The following LRBA variants were observed in gnomAD, a reference collection of about 807,000 sequenced individuals.
LRBA encodes the protein lipopolysaccharide-responsive and beige-like anchor protein.
LRBA carries 176 observed loss-of-function variants against 330.0 expected under a neutral mutation model. That is an observed-to-expected ratio of 0.53 (90% CI 0.47 to 0.60). The LOEUF (loss-of-function observed/expected upper bound fraction) is 0.60. Ranked by LOEUF, LRBA falls within the 20% of genes least tolerant of loss-of-function variation. The pLI, the probability that LRBA is intolerant of heterozygous loss-of-function variation, is 0.00. For synonymous variants in LRBA, 1,230 were observed against 1,193.0 expected (o/e 1.03, Z -0.64); for missense variants, 3,259 against 3,444.8 (o/e 0.95, Z 1.35).
chr4:150,489,265 A>T (rs376041445), intron 41 of LRBA, among the ~76,000 whole-genome samples: 4,610 of 34,366 alleles, frequency 0.13, 575 homozygotes, highest in Non-Finnish European at 0.19. Flanking sequence ...TATATATAAG[A>T]ATATATAATA....
At chr4:150,331,289 C>T (rs577370207) in intron 48 of LRBA, among the ~76,000 whole-genome samples, 1 of 152,266 alleles carries the variant, frequency 6.6e-6, no homozygotes, top group Admixed American at 6.5e-5. Context: ...TAACAGGAAA[C>T]ATACAAGCAT....
chr4:150,602,569 A>G lies in LRBA; in HGVS notation c.5922-3438T>C, dbSNP rs1399141091. ...ACACATACTCTCAGTATAACGCTCT[A>G]CCACACACACACACAAAAATGAGGC... is the stretch of plus-strand genomic sequence containing the variant. On this transcript the variant is annotated intron_variant, in intron 37 of 56. Coordinates refer to ENST00000651943, the MANE Select transcript of LRBA (RefSeq NM_001364905.1). Among the ~76,000 whole-genome samples the G allele has an allele frequency of 3.9e-5, 6 of 152,112 alleles. No individual in the cohort carries two copies. The East Asian group carries it at 1.2e-3, about 29-fold the overall frequency.
Position 150,914,292 on chromosome 4 carries a change from C to G in LRBA, c.1064G>C (p.Arg355Thr). Reference sequence around the variant, plus strand: ...TGCAGTCATCTGACCACAGAATACTCTATTAGCATCTGCTGTTTCTGATGA... The same window carrying G: ...TGCAGTCATCTGACCACAGAATACTGTATTAGCATCTGCTGTTTCTGATGA... The part of the protein sequence containing the change: ...LGSSETADAN[R>T]VFCGQMTAVY... The change falls in exon 9 of 57, where the codon AGA becomes ACA. Residue 355 changes from arginine to threonine, a missense_variant. Arg to Thr is a moderately conservative substitution (Grantham distance 71). Transcript: ENST00000651943. 6.3e-7 allele frequency: 1 copy of G among 1,598,108 alleles called. No individual in the cohort carries two copies. The highest frequency in any genetic ancestry group is 8.5e-7 in the Non-Finnish European group (1 of 1,171,136).
intron 56 of LRBA, among the ~76,000 whole-genome samples, chr4:150,268,136 A>T (rs1745606615): frequency 6.6e-6 from 1 of 152,202 alleles, no homozygotes; most frequent in Non-Finnish European, 1.5e-5. Flanking sequence ...GCAGAAACTG[A>T]GTTCAGAGAG....
chr4:150,295,607 A>G (rs1728888468), intron 53 of LRBA, among the ~76,000 whole-genome samples: 1 of 152,146 alleles, frequency 6.6e-6, no homozygotes, highest in African/African-American at 2.4e-5. Context: ...TCCAAATCCC[A>G]CTACCTATAA....
intron 40 of LRBA, among the ~76,000 whole-genome samples, chr4:150,569,632 T>C (rs1769595115): frequency 6.6e-6 from 1 of 152,176 alleles, no homozygotes; most frequent in South Asian, 2.1e-4. Flanking sequence ...TCAATTCTGC[T>C]TCATCAGCAT....
intron 46 of LRBA, among the ~76,000 whole-genome samples, chr4:150,418,990 G>A (rs114714870): frequency 4.0e-4 from 61 of 152,288 alleles, no homozygotes; most frequent in African/African-American, 1.3e-3. Context: ...TGGGGGAAAG[G>A]AGAAGGGATT....
At chr4:150,846,881 T>C (rs1283453103) in intron 26 of LRBA, among the ~76,000 whole-genome samples, 1 of 152,160 alleles carries the variant, frequency 6.6e-6, no homozygotes, top group Non-Finnish European at 1.5e-5. Flanking sequence ...TTCTTTTCCG[T>C]GGCTATGAAA....
chr4:151,004,288 G>A (rs769732499), intron 2 of LRBA, among the ~76,000 whole-genome samples: 5 of 152,130 alleles, frequency 3.3e-5, no homozygotes, highest in African/African-American at 9.7e-5. Context: ...ACCAGCTTCA[G>A]CCTACTATTA....
rs1257831550 is a variant in LRBA at position 150,477,365 on chromosome 4, T to C, written c.6552-5626A>G. On this transcript the variant is annotated intron_variant, in intron 42 of 56. Transcript: ENST00000651943. ...TAAGAAAAGAAGTTTAATTGACTTA[T>C]AGTTCCACATGGCTGGAGAGGCCTC... Among the ~76,000 whole-genome samples, 6 of 152,132 alleles carry C rather than the reference T, an allele frequency of 3.9e-5. No individual in the cohort carries two copies. In the East Asian group the frequency reaches 1.2e-3, roughly 29 times the overall value.
At chr4:150,642,642 C>T (rs1243073730) in intron 37 of LRBA, among the ~76,000 whole-genome samples, 1 of 151,804 alleles carries the variant, frequency 6.6e-6, no homozygotes, top group Admixed American at 6.6e-5. Flanking sequence ...AATTCTGTTA[C>T]TTTTACATTT....
At chr4:150,518,929 G>A (rs534418962) in intron 40 of LRBA, among the ~76,000 whole-genome samples, 5 of 152,056 alleles carry the variant, frequency 3.3e-5, no homozygotes, top group African/African-American at 9.6e-5. Context: ...CCTGAGGACC[G>A]GTATCCTTAA....
In LRBA at chr4:150,583,046, C is replaced by A; in HGVS notation, c.6330+5002G>T. On this transcript the variant is annotated intron_variant, in intron 40 of 56. Transcript: ENST00000651943. This position sits in a 1 kb window ranked among gnomAD's most constrained non-coding sequence, Gnocchi z 9.8. ...TGCCCCAACATGATCGCCGCTCAGG[C>A]CAAGCTGGTTTACCAGCTCAATAAG... 6.2e-7 allele frequency: 1 copy of A among 1,603,692 alleles called. No homozygotes were observed. Among genetic ancestry groups the A allele is most frequent in the Non-Finnish European group, 8.5e-7 (1 of 1,173,824 alleles).
intron 2 of LRBA, among the ~76,000 whole-genome samples, chr4:150,964,205 G>A (rs976076342): frequency 2.0e-5 from 3 of 148,498 alleles, no homozygotes; most frequent in African/African-American, 7.9e-5. Flanking sequence ...TCTGGGAAGT[G>A]AGAAGCCCCT....
intron 40 of LRBA, among the ~76,000 whole-genome samples, chr4:150,516,544 T>C (rs570117282): frequency 1.3e-4 from 19 of 151,914 alleles, no homozygotes; most frequent in Non-Finnish European, 2.8e-4. Flanking sequence ...TGATAAAGGG[T>C]TACTATAATA....
intron 48 of LRBA, among the ~76,000 whole-genome samples, chr4:150,329,963 GT>G (rs1401239723): frequency 6.6e-6 from 1 of 152,104 alleles, no homozygotes; most frequent in African/African-American, 2.4e-5. Context: ...CTCTTTGCTG[GT>G]TTTCCCCCTC....
chr4:150,538,790 G>A (rs555873067), intron 40 of LRBA, among the ~76,000 whole-genome samples: 3 of 149,902 alleles, frequency 2.0e-5, no homozygotes, highest in African/African-American at 4.9e-5. Context: ...CACTCTAGCC[G>A]GATTACAGAG....
intron 40 of LRBA, among the ~76,000 whole-genome samples, chr4:150,524,588 T>C (rs1289635561): frequency 6.6e-6 from 1 of 152,184 alleles, no homozygotes; most frequent in South Asian, 2.1e-4. Context: ...CTTTGCTTCT[T>C]AAACTTTATT....
intron 36 of LRBA, among the ~76,000 whole-genome samples, chr4:150,699,954 G>C (rs1784963379): frequency 6.6e-6 from 1 of 152,046 alleles, no homozygotes. Context: ...AATTCAAAAT[G>C]CTCCAAAATC....
Sources: allele counts gnomAD v4.1 joint callset (sites outside exome capture counted in the v4.1 genomes callset), GRCh38; gene constraint gnomAD v4.1.1; non-coding constraint Gnocchi (gnomAD v3.1); transcripts MANE v1.5; gene names NCBI Gene and HGNC (gene_info 2026-07-23, HGNC 2026-07-21).